The following CLCN7 variants were observed in gnomAD, a reference collection of about 807,000 sequenced individuals.
CLCN7 encodes Cl-/H+ antiporter 7.
Under a neutral mutation model 102.1 loss-of-function variants are expected in CLCN7, and 60 were observed. The observed-to-expected ratio is 0.59, with a 90% CI of 0.48 to 0.73. The LOEUF (loss-of-function observed/expected upper bound fraction) is 0.73, where lower values mean the gene tolerates loss of function less well. Among genes scored for constraint, CLCN7 ranks in the 30% least tolerant of loss-of-function variants. The pLI is 0.00. For missense variants in CLCN7, 962 were observed against 1,125.7 expected, an observed-to-expected ratio of 0.85 and a Z score of 2.08; for synonymous variants, 560 against 490.5, an observed-to-expected ratio of 1.14 and a Z score of -1.87.
At position 1,460,894 on chromosome 16, in the gene CLCN7, G is replaced by C. The variant is rs986070320; in HGVS notation, c.406C>G (p.Leu136Val). ...ATGAAGCAGGCCACGAGGCCCGTGA[G>C]GATCCCAATGAGGGCGCAGATGACC... is the stretch of plus-strand genomic sequence containing the variant. ...RWVICALIGILTGLVACFIDI... is the reference protein window; with the variant it reads ...RWVICALIGIVTGLVACFIDI... Residue 136 changes from leucine to valine, a missense_variant, in exon 5 of 25, where the codon CTC becomes GTC. Coordinates refer to ENST00000382745, the MANE Select transcript of CLCN7 (RefSeq NM_001287.6). 1.9e-6 allele frequency: 3 copies of C among 1,613,906 alleles called. No homozygotes were observed. Among genetic ancestry groups the C allele is most frequent in the African/African-American group, 1.3e-5 (1 of 74,950 alleles).
Position 1,447,718 on chromosome 16 carries a change from C to T in CLCN7, c.2014-4G>A, listed in dbSNP as rs755229470. Reference sequence around the variant, plus strand: ...TCAGGCCCTGGAGCCGGGCAGGCTGCAAGACAGGCCCGCGGTCAGGGCCAC... The same window carrying T: ...TCAGGCCCTGGAGCCGGGCAGGCTGTAAGACAGGCCCGCGGTCAGGGCCAC... On this transcript the variant is annotated splice_polypyrimidine_tract_variant and splice_region_variant and intron_variant, in intron 21 of 24. Transcript: ENST00000382745. 3 of 1,551,554 alleles carry T rather than the reference C, an allele frequency of 1.9e-6. No individual in the cohort carries two copies. The highest frequency in any genetic ancestry group is 3.9e-5 in the Admixed American group (2 of 51,176).
chr16:1,461,689 G>C lies in CLCN7; in HGVS notation c.214-15C>G, dbSNP rs1424694312. 1.2e-6 allele frequency: 2 copies of C among 1,612,176 alleles called. No homozygotes were observed. The highest frequency in any genetic ancestry group is 1.7e-6 in the Non-Finnish European group (2 of 1,178,546). ...GGGTCCATATCCTGTGGCAGAAAAA[G>C]GCAAAGAGAGAAGCACAGTTGACAA... On this transcript the variant is annotated splice_polypyrimidine_tract_variant and intron_variant, in intron 2 of 24. Transcript: ENST00000382745.
chr16:1,462,807 C>T (rs1344285270), intron 2 of CLCN7, among the ~76,000 whole-genome samples: 4 of 151,946 alleles, frequency 2.6e-5, no homozygotes, highest in African/African-American at 9.7e-5. Context: ...CAAAACATTT[C>T]AACAGAGAAA....
intron 23 of CLCN7, 128 bp from the exon 24 acceptor site, chr16:1,447,214 G>A: frequency 8.5e-7 from 1 of 1,170,624 alleles, no homozygotes; most frequent in Non-Finnish European, 1.2e-6. Context: ...CGCCCGTCTG[G>A]CCAGCCCCCT....
rs1020729930 is a variant in CLCN7, at chr16:1,452,310, C to T, written c.1353+445G>A. 6.1e-5 allele frequency: 15 copies of T among 244,648 alleles called. No individual in the cohort carries two copies. In the East Asian group the frequency reaches 9.2e-4, roughly 15 times the overall value. The allele number at this position is 244,648 out of a possible 1,614,324, so 15.2% of individuals were successfully genotyped here. A position where few individuals can be genotyped will look rare whatever the true frequency, so the allele number is the denominator to read the frequency against. On this transcript the variant is annotated intron_variant, in intron 15 of 24. Coordinates refer to ENST00000382745, the MANE Select transcript of CLCN7 (RefSeq NM_001287.6). ...GTTTCATGTTAATGGGGCTACGTCG[C>T]GTGACCTCACGTGTGGTTCCTCTGA...
At chr16:1,458,092 G>A (rs971179793) in intron 7 of CLCN7, among the ~76,000 whole-genome samples, 3 of 152,218 alleles carry the variant, frequency 2.0e-5, no homozygotes, top group Non-Finnish European at 4.4e-5. Flanking sequence ...GCCAGCACAG[G>A]GGAGGTGTTC....
In CLCN7 at chr16:1,446,355, C is replaced by T. The variant is rs1352063178; in HGVS notation, c.*276G>A. Reference sequence around the variant, plus strand: ...GATAGCCCGGTAGGGAGGTCACACACACACAGCTGATCCCTGGAGGTAAAG... The same window carrying T: ...GATAGCCCGGTAGGGAGGTCACACATACACAGCTGATCCCTGGAGGTAAAG... On this transcript the variant is annotated 3_prime_UTR_variant, in exon 25 of 25. Coordinates refer to ENST00000382745, the MANE Select transcript of CLCN7 (RefSeq NM_001287.6). 2.8e-6 allele frequency: 2 copies of T among 702,224 alleles called. No homozygotes were observed. The highest frequency in any genetic ancestry group is 2.0e-5 in the Admixed American group (1 of 50,008). The allele number at this position is 702,224 out of a possible 1,614,324, so 43.5% of individuals were successfully genotyped here. A position where few individuals can be genotyped will look rare whatever the true frequency, so the allele number is the denominator to read the frequency against.
chr16:1,456,046 G>C (rs1280748124), intron 10 of CLCN7, 67 bp downstream of exon 10: 1 of 1,336,500 alleles, frequency 7.5e-7, no homozygotes, highest in Non-Finnish European at 1.0e-6. Context: ...GGCCTACAGA[G>C]AGGAGACCGT....
In CLCN7 at chr16:1,474,980, G is replaced by T. The variant is rs763596397; in HGVS notation, c.-6C>A. On this transcript the variant is annotated 5_prime_UTR_variant, in exon 1 of 25. Coordinates refer to ENST00000382745, the MANE Select transcript of CLCN7 (RefSeq NM_001287.6). Reference sequence around the variant, plus strand: ...TTCTTAGAGACGTTGGCCATGGCCCGCCGCGGAGCGACACCGGCCGGGAAG... The same window carrying T: ...TTCTTAGAGACGTTGGCCATGGCCCTCCGCGGAGCGACACCGGCCGGGAAG... 1.2e-5 allele frequency: 18 copies of T among 1,476,162 alleles called. No individual in the cohort carries two copies. The highest frequency in any genetic ancestry group is 2.9e-5 in the African/African-American group (2 of 68,414). 91.4% of individuals were successfully genotyped at this position (1,476,162 alleles called of 1,614,324 possible). A position where few individuals can be genotyped will look rare whatever the true frequency, so the allele number is the denominator to read the frequency against.
chr16:1,447,085 T>C lies in CLCN7; in HGVS notation c.2252A>G (p.Glu751Gly). 6.3e-7 allele frequency: 1 copy of C among 1,595,266 alleles called. No homozygotes were observed. Among genetic ancestry groups the C allele is most frequent in the East Asian group, 2.3e-5 (1 of 44,284 alleles). The change falls in exon 24 of 25, where the codon GAG becomes GGG. Residue 751 changes from glutamate (E) to glycine (G), a missense_variant and splice_region_variant. Transcript: ENST00000382745. ...CTTGAACACCCGTGGGAGCGACGCC[T>C]CCTGCAGCAGGGGCACAGCTGTCAG... ...MNPSPYTVPQ[E>G]ASLPRVFKLF... is the part of the protein sequence containing the mutation.
chr16:1,455,564 G>T, intron 11 of CLCN7, 167 bp downstream of exon 11: 1 of 791,074 alleles, frequency 1.3e-6, no homozygotes, highest in Non-Finnish European at 2.1e-6. Context: ...GGCGAACTGG[G>T]CAGCAAAGGC....
At position 1,457,839 on chromosome 16, in the gene CLCN7, C is replaced by T; in HGVS notation, c.676-83G>A. The T allele has an allele frequency of 1.4e-6, 2 of 1,385,324 alleles. No individual in the cohort carries two copies. Among genetic ancestry groups the T allele is most frequent in the Non-Finnish European group, 2.0e-6 (2 of 977,286 alleles). The allele number at this position is 1,385,324 out of a possible 1,614,324, so 85.8% of individuals were successfully genotyped here. On this transcript the variant is annotated intron_variant, in intron 7 of 24. Transcript: ENST00000382745. The surrounding 1 kb of genome is among the most constrained non-coding windows in gnomAD (Gnocchi z 5.4). ...TGAGCCGTAAAACAGCACACACAGC[C>T]CCGATCAGGCAGAGTGGCTGGGACA...
At position 1,457,406 on chromosome 16, in the gene CLCN7, G is replaced by A. The variant is rs901045228; in HGVS notation, c.739-69C>T. On this transcript the variant is annotated intron_variant, in intron 8 of 24. Coordinates refer to ENST00000382745, the MANE Select transcript of CLCN7 (RefSeq NM_001287.6). The surrounding 1 kb of genome is among the most constrained non-coding windows in gnomAD (Gnocchi z 5.4). ...GCCCTTCCTGGAGACCAGAAGGACC[G>A]ATGCTCAGAGACACGCGTGACGCGG... 1.2e-4 allele frequency: 171 copies of A among 1,423,784 alleles called. No homozygotes were observed. Among genetic ancestry groups the A allele is most frequent in the Admixed American group, 5.7e-4 (33 of 58,006 alleles). 88.2% of individuals were successfully genotyped at this position (1,423,784 alleles called of 1,614,324 possible).
intron 19 of CLCN7, 62 bp downstream of exon 19, chr16:1,448,903 AG>A: frequency 6.2e-7 from 1 of 1,606,418 alleles, no homozygotes; most frequent in Non-Finnish European, 8.5e-7. Flanking sequence ...GGAGGCTCAC[AG>A]GGGCCCCTCC....
chr16:1,462,100 A>T (rs200000131), intron 2 of CLCN7, among the ~76,000 whole-genome samples: 1 of 135,410 alleles, frequency 7.4e-6, no homozygotes, highest in Non-Finnish European at 1.6e-5. Flanking sequence ...AAAAAAAAAA[A>T]AAGAGAACTA....
At position 1,460,522 on chromosome 16, in the gene CLCN7, C is replaced by T. The variant is rs2038917505; in HGVS notation, c.490G>A (p.Asp164Asn). Reference sequence around the variant, plus strand: ...AGTCCGCCCTTCTCTGTGAACTTGTCGATATCTGGGGCTCATCAAGGAGGG... The same window carrying T: ...AGTCCGCCCTTCTCTGTGAACTTGTTGATATCTGGGGCTCATCAAGGAGGG... ...LKYRVIKGNI[D>N]KFTEKGGLSF... Residue 164 changes from aspartate (D) to asparagine (N), a missense_variant, in exon 6 of 25, where the codon GAC (aspartate) becomes AAC (asparagine). This residue lies in a region of CLCN7 where 799 missense variants were observed against 988.0 expected (regional missense o/e 0.81). Transcript: ENST00000382745. The T allele has an allele frequency of 1.2e-6, 2 of 1,612,278 alleles. No individual in the cohort carries two copies.
At chr16:1,449,484 C>T (rs1261679303) in intron 17 of CLCN7, 157 bp from the exon 18 acceptor site, 3 of 677,564 alleles carry the variant, frequency 4.4e-6, no homozygotes, top group Non-Finnish European at 7.8e-6. Flanking sequence ...TAGCACAGTA[C>T]ACCCTGCTGC....
intron 7 of CLCN7, 44 bp downstream of exon 7, chr16:1,459,063 G>C (rs747275261): frequency 3.3e-6 from 5 of 1,525,286 alleles, no homozygotes; most frequent in Admixed American, 1.8e-5. Context: ...AACCAGCAAA[G>C]AGCGGGCGCC....
chr16:1,456,655 A>G (rs1030699332), intron 9 of CLCN7, among the ~76,000 whole-genome samples: 1 of 152,110 alleles, frequency 6.6e-6, no homozygotes, highest in East Asian at 1.9e-4. Flanking sequence ...CCCGGCCAAC[A>G]TGGCAAAACC....
Sources: allele counts gnomAD v4.1 joint callset (sites outside exome capture counted in the v4.1 genomes callset), GRCh38; gene constraint gnomAD v4.1.1; regional missense constraint gnomAD v4.1.1; non-coding constraint Gnocchi (gnomAD v3.1); transcripts MANE v1.5; gene names NCBI Gene and HGNC (gene_info 2026-07-23, HGNC 2026-07-21).